MLXIP: variants seen among roughly 807,000 people sequenced by gnomAD.
The protein encoded by MLXIP is MLX interacting protein.
In MLXIP, 30 loss-of-function variants were observed where a neutral mutation model predicts 87.2. The observed-to-expected ratio is 0.34, with a 90% CI of 0.26 to 0.47. The LOEUF is 0.47. MLXIP is among the 20% of genes least tolerant of loss of function. The pLI, the probability that MLXIP is intolerant of heterozygous loss-of-function variation, is 1.00. For missense variants in MLXIP, 1,002 were observed against 1,240.1 expected, an observed-to-expected ratio of 0.81 and a Z score of 2.88; for synonymous variants, 530 against 514.0, an observed-to-expected ratio of 1.03 and a Z score of -0.42.
intron 1 of MLXIP, among the ~76,000 whole-genome samples, chr12:122,090,875 G>A (rs889231180): frequency 1.3e-5 from 2 of 152,204 alleles, no homozygotes; most frequent in Admixed American, 6.5e-5. Flanking sequence ...AAAAGACCAC[G>A]TATGTGATCT....
chr12:122,133,917 C>T lies in MLXIP; in HGVS notation c.1662C>T (p.Pro554=). ...TGACTGGGGGCAGGCCTAAGCAGCC[C>T]CACAAAATAGTGCCTGCTCCCAAAC... ...VSLTGGRPKQ[P]HKIVPAPKPE... is the part of the protein sequence containing the mutation. The change falls in exon 9 of 17, where the codon CCC becomes CCT. Residue 554 remains proline (P), a synonymous_variant. Coordinates refer to ENST00000319080, the MANE Select transcript of MLXIP (RefSeq NM_014938.6). The surrounding 1 kb of genome is among the most constrained non-coding windows in gnomAD (Gnocchi z 4.9). The T allele has an allele frequency of 6.2e-7, 1 of 1,609,114 alleles. No homozygotes were observed. Among genetic ancestry groups the T allele is most frequent in the Non-Finnish European group, 8.5e-7 (1 of 1,178,076 alleles).
chr12:122,130,352 G>A (rs1407783107), intron 6 of MLXIP, among the ~76,000 whole-genome samples: 1 of 152,072 alleles, frequency 6.6e-6, no homozygotes, highest in Non-Finnish European at 1.5e-5. Context: ...TGCCATGGTG[G>A]GAGGACAGCA....
At chr12:122,090,431 A>G (rs1182386806) in intron 1 of MLXIP, among the ~76,000 whole-genome samples, 9 of 151,980 alleles carry the variant, frequency 5.9e-5, no homozygotes, top group African/African-American at 2.2e-4. Context: ...CGAGAGGCAG[A>G]GGTTACAGTG....
At chr12:122,114,186 A>G (rs1247655585) in intron 1 of MLXIP, among the ~76,000 whole-genome samples, 2 of 144,006 alleles carry the variant, frequency 1.4e-5, no homozygotes, top group African/African-American at 5.2e-5. Context: ...GGGTTTCATC[A>G]TGTTGGCCAG....
chr12:122,096,755 A>AC (rs573274756), intron 1 of MLXIP, among the ~76,000 whole-genome samples: 229 of 152,056 alleles, frequency 1.5e-3, no homozygotes, highest in Admixed American at 2.4e-3. Flanking sequence ...CTGCTGACAG[A>AC]CCCCCGAGGC....
chr12:122,138,335 G>A, intron 13 of MLXIP, 40 bp downstream of exon 13: 1 of 1,611,602 alleles, frequency 6.2e-7, no homozygotes, highest in Non-Finnish European at 8.5e-7. Flanking sequence ...GGGCAGGGGA[G>A]CTGGCAGGAC....
At chr12:122,099,518 G>A (rs1209436886) in intron 1 of MLXIP, among the ~76,000 whole-genome samples, 1 of 152,236 alleles carries the variant, frequency 6.6e-6, no homozygotes, top group Non-Finnish European at 1.5e-5. Flanking sequence ...CTGTGGTCAG[G>A]TTCCCCACCT....
At chr12:122,104,575 C>CT (rs751931978) in intron 1 of MLXIP, among the ~76,000 whole-genome samples, 991 of 91,310 alleles carry the variant, frequency 0.011, 8 homozygotes, top group Middle Eastern at 0.019. Context: ...ATTACCTTTT[C>CT]TTTTTTTTTT....
intron 6 of MLXIP, 96 bp downstream of exon 6, chr12:122,130,208 GCT>G: frequency 1.6e-6 from 2 of 1,257,468 alleles, no homozygotes; most frequent in South Asian, 2.9e-5. Flanking sequence ...CCATCTCTGA[GCT>G]GCTGCACGTC....
At chr12:122,130,728 C>T (rs536014512) in intron 6 of MLXIP, 116 bp from the exon 7 acceptor site, 1 of 733,752 alleles carries the variant, frequency 1.4e-6, no homozygotes, top group Non-Finnish European at 2.4e-6. Flanking sequence ...CCAGCCAGCT[C>T]CTTGGAAGAC....
At chr12:122,104,954 G>T (rs1952497580) in intron 1 of MLXIP, among the ~76,000 whole-genome samples, 1 of 152,132 alleles carries the variant, frequency 6.6e-6, no homozygotes, top group African/African-American at 2.4e-5. Context: ...TGGCCCAGTT[G>T]TCTTGAAGTC....
intron 1 of MLXIP, among the ~76,000 whole-genome samples, chr12:122,104,288 C>G (rs1204320673): frequency 3.9e-5 from 6 of 152,190 alleles, no homozygotes; most frequent in Admixed American, 3.9e-4. Context: ...AGAAGGTTCC[C>G]TCGCGCCCTT....
chr12:122,116,545 C>G (rs528180085), intron 1 of MLXIP, among the ~76,000 whole-genome samples: 1 of 152,182 alleles, frequency 6.6e-6, no homozygotes, highest in Non-Finnish European at 1.5e-5. Flanking sequence ...GGAGGAGCAC[C>G]TTGGGGTCTG....
chr12:122,137,528 C>G lies in MLXIP; in HGVS notation c.2092C>G (p.Pro698Ala). The G allele has an allele frequency of 1.2e-6, 2 of 1,614,014 alleles. No individual in the cohort carries two copies. The highest frequency in any genetic ancestry group is 2.2e-5 in the South Asian group (2 of 91,078). The change falls in exon 12 of 17, where the codon CCT (proline) becomes GCT (alanine). Residue 698 changes from proline (P) to alanine (A), a missense_variant. Coordinates refer to ENST00000319080, the MANE Select transcript of MLXIP (RefSeq NM_014938.6). The surrounding 1 kb of genome is among the most constrained non-coding windows in gnomAD (Gnocchi z 4.1). ...GTGTGCATCGGAGCAGAGCCCCAGT[C>G]CTCAATCTCCCCAGAACAACTGCTC... is the stretch of plus-strand genomic sequence containing the variant. ...SPCASEQSPS[P>A]QSPQNNCSGK... is the part of the protein sequence containing the mutation.
Position 122,133,342 on chromosome 12 carries a change from T to C in MLXIP, c.1093-6T>C. 6.5e-7 allele frequency: 1 copy of C among 1,547,674 alleles called. No individual in the cohort carries two copies. Among genetic ancestry groups the C allele is most frequent in the Non-Finnish European group, 8.7e-7 (1 of 1,145,248 alleles). ...TTGCTTCCTGGCTCCTTTCTTCCTT[T>C]TTCAGGAGAGCATCCTGCCGACCAC... On this transcript the variant is annotated splice_region_variant and splice_polypyrimidine_tract_variant and intron_variant, in intron 8 of 16. Coordinates refer to ENST00000319080, the MANE Select transcript of MLXIP (RefSeq NM_014938.6). This position sits in a 1 kb window ranked among gnomAD's most constrained non-coding sequence, Gnocchi z 4.9.
At chr12:122,093,326 GTT>G (rs1952277749) in intron 1 of MLXIP, among the ~76,000 whole-genome samples, 1 of 146,646 alleles carries the variant, frequency 6.8e-6, no homozygotes, top group Non-Finnish European at 1.5e-5. Context: ...CGTGGAATGT[GTT>G]TGCAGTGTCT....
At chr12:122,118,719 A>G (rs1465203351) in intron 1 of MLXIP, among the ~76,000 whole-genome samples, 2 of 151,328 alleles carry the variant, frequency 1.3e-5, no homozygotes, top group African/African-American at 4.9e-5. Flanking sequence ...GTGGTGGTAC[A>G]CGCCTGTTAT....
chr12:122,133,500 C>T lies in MLXIP; in HGVS notation c.1245C>T (p.Phe415=), dbSNP rs1052553354. ...ACCCGTTTATCCAGCCCACGGACTT[C>T]GGTCCCTCAGAGCCGCCACTGAGTG... ...TEDPFIQPTD[F]GPSEPPLSVP... is the part of the protein sequence containing the mutation. The change falls in exon 9 of 17, where the codon TTC becomes TTT. Residue 415 remains phenylalanine, a synonymous_variant. Coordinates refer to ENST00000319080, the MANE Select transcript of MLXIP (RefSeq NM_014938.6). This position sits in a 1 kb window ranked among gnomAD's most constrained non-coding sequence, Gnocchi z 4.9. 29 of 1,611,926 alleles carry T rather than the reference C, an allele frequency of 1.8e-5. No individual in the cohort carries two copies. Among genetic ancestry groups the T allele is most frequent in the Admixed American group, 3.3e-5 (2 of 59,842 alleles).
Position 122,124,478 on chromosome 12 carries a change from C to T in MLXIP, c.414-2778C>T, listed in dbSNP as rs1230484413. Among the ~76,000 whole-genome samples, 3 of 142,484 alleles carry T rather than the reference C, an allele frequency of 2.1e-5. No homozygotes were observed. The Admixed American group carries it at 2.2e-4, about 10-fold the overall frequency. The allele number at this position is 142,484 out of a possible 152,430, so 93.5% of individuals were successfully genotyped here. A position where few individuals can be genotyped will look rare whatever the true frequency, so the allele number is the denominator to read the frequency against. ...GTCCTCGGCTCTTCACAGTGCAGAG[C>T]AGATGAGGCTTCTGCAGCTACGCAA... is the stretch of plus-strand genomic sequence containing the variant. On this transcript the variant is annotated intron_variant, in intron 1 of 16. Coordinates refer to ENST00000319080, the MANE Select transcript of MLXIP (RefSeq NM_014938.6).
Sources: allele counts gnomAD v4.1 joint callset (sites outside exome capture counted in the v4.1 genomes callset), GRCh38; gene constraint gnomAD v4.1.1; non-coding constraint Gnocchi (gnomAD v3.1); transcripts MANE v1.5; gene names NCBI Gene and HGNC (gene_info 2026-07-23, HGNC 2026-07-21).